RECQL5: variants seen among roughly 807,000 people sequenced by gnomAD.
RECQL5 encodes ATP-dependent DNA helicase Q5.
RECQL5 carries 88 observed loss-of-function variants against 103.4 expected under a neutral mutation model. The ratio of observed to expected loss-of-function variants is 0.85; its 90% CI spans 0.72 to 1.02. The LOEUF is 1.02. Among genes scored for constraint, RECQL5 ranks in the 50% least tolerant of loss-of-function variants. The probability of loss-of-function intolerance (pLI) is 0.00; values close to 1 mark genes in which losing one functional copy is unlikely to be tolerated. For synonymous variants in RECQL5, 552 were observed against 507.9 expected (o/e 1.09, Z -1.17); for missense variants, 1,232 against 1,284.3 (o/e 0.96, Z 0.62).
intron 7 of RECQL5, among the ~76,000 whole-genome samples, chr17:75,652,014 G>T (rs559070244): frequency 6.6e-6 from 1 of 152,090 alleles, no homozygotes; most frequent in African/African-American, 2.4e-5. Flanking sequence ...ATCACCTGGG[G>T]TCAAGAGTTC....
intron 5 of RECQL5, among the ~76,000 whole-genome samples, chr17:75,661,370 T>G (rs2059696978): frequency 6.6e-6 from 1 of 152,174 alleles, no homozygotes; most frequent in Non-Finnish European, 1.5e-5. Flanking sequence ...TGTAAAAACG[T>G]ATCACCTGCT....
At chr17:75,653,697 G>A (rs1242630472) in intron 7 of RECQL5, among the ~76,000 whole-genome samples, 2 of 152,106 alleles carry the variant, frequency 1.3e-5, no homozygotes, top group Non-Finnish European at 2.9e-5. Flanking sequence ...TCAGGAGTTC[G>A]AGACCAGCCT....
chr17:75,629,580 T>G (rs1444499880), intron 15 of RECQL5, 105 bp from the exon 16 acceptor site: 2 of 1,499,816 alleles, frequency 1.3e-6, no homozygotes, highest in Non-Finnish European at 8.9e-7. Flanking sequence ...CTCAGGAGTG[T>G]GGGAGGGAAG....
intron 8 of RECQL5, among the ~76,000 whole-genome samples, chr17:75,644,121 T>C (rs1195642534): frequency 6.6e-6 from 1 of 152,014 alleles, no homozygotes; most frequent in Non-Finnish European, 1.5e-5. Context: ...CTGACCAACA[T>C]GGTGAAACCT....
Position 75,660,859 on chromosome 17 carries a change from A to G in RECQL5, c.986+96T>C, listed in dbSNP as rs2059689699. The G allele has an allele frequency of 5.6e-6, 5 of 895,186 alleles. No individual in the cohort carries two copies. In the East Asian group the frequency reaches 1.2e-4, roughly 22 times the overall value. 55.5% of individuals were successfully genotyped at this position (895,186 alleles called of 1,614,324 possible). A position where few individuals can be genotyped will look rare whatever the true frequency, so the allele number is the denominator to read the frequency against. ...GAGCTTCCTTCCCCTCTAGCCCTCG[A>G]AGGAGCACATGCACCTGGTCCTTTG... On this transcript the variant is annotated intron_variant, in intron 6 of 19. Coordinates refer to ENST00000317905, the MANE Select transcript of RECQL5 (RefSeq NM_004259.7).
chr17:75,633,144 G>A (rs968599147), intron 8 of RECQL5, among the ~76,000 whole-genome samples: 2 of 152,216 alleles, frequency 1.3e-5, no homozygotes, highest in African/African-American at 4.8e-5. Flanking sequence ...GCAACAAATG[G>A]TTCATCCCCA....
chr17:75,659,393 T>C (rs2148335951), intron 6 of RECQL5, among the ~76,000 whole-genome samples: 2 of 152,330 alleles, frequency 1.3e-5, no homozygotes, highest in South Asian at 4.1e-4. Context: ...GGTCTTGCTC[T>C]GTTGCACACG....
At chr17:75,643,385 G>A (rs767210209) in intron 8 of RECQL5, among the ~76,000 whole-genome samples, 17 of 152,220 alleles carry the variant, frequency 1.1e-4, no homozygotes, top group African/African-American at 2.2e-4. Flanking sequence ...CCGAATGGCC[G>A]CTCTAGGGCA....
intron 8 of RECQL5, chr17:75,637,998 G>A (rs951031156): frequency 4.6e-5 from 7 of 152,270 alleles, no homozygotes; most frequent in African/African-American, 1.7e-4. Flanking sequence ...ATGATCTATA[G>A]CATTCTAGGA....
chr17:75,630,862 G>A, intron 11 of RECQL5, 25 bp from the exon 12 acceptor site: 2 of 1,476,572 alleles, frequency 1.4e-6, no homozygotes, highest in East Asian at 2.4e-5. Flanking sequence ...GGTGGTCCTT[G>A]GTCCTTTCGC....
intron 8 of RECQL5, chr17:75,639,045 C>A (rs1338394122): frequency 6.6e-6 from 1 of 152,334 alleles, no homozygotes; most frequent in Non-Finnish European, 1.5e-5. Context: ...CATGCAAAGA[C>A]CACATGGCCT....
At chr17:75,629,669 C>T in intron 15 of RECQL5, 39 bp downstream of exon 15, 1 of 1,570,564 alleles carries the variant, frequency 6.4e-7, no homozygotes, top group Non-Finnish European at 8.7e-7. Context: ...TGAAGCCTTT[C>T]CTGGTCACAG....
In RECQL5 at chr17:75,660,993, G is replaced by A. The variant is rs2059691161; in HGVS notation, c.948C>T (p.Thr316=). Residue 316 remains threonine, a synonymous_variant, in exon 6 of 20, where the codon ACC becomes ACT. Transcript: ENST00000317905. ...TATCCACTCCCATCCCAAAACTAAT[G>A]GTTGCAACAATTACAGGGACCTTCT... is the stretch of plus-strand genomic sequence containing the variant. The part of the protein sequence containing the change: ...MEEKVPVIVA[T]ISFGMGVDKA... 1 of 1,613,950 alleles carries A rather than the reference G, an allele frequency of 6.2e-7. No individual in the cohort carries two copies. The highest frequency in any genetic ancestry group is 1.3e-5 in the African/African-American group (1 of 74,908).
At chr17:75,651,058 C>T (rs1661744) in intron 8 of RECQL5, 128 bp downstream of exon 8, 566,755 of 1,579,280 alleles carry the variant, frequency 0.36, 103,612 homozygotes, top group East Asian at 0.57. Flanking sequence ...CCCGACACAA[C>T]AGCCTTTGCA....
intron 18 of RECQL5, among the ~76,000 whole-genome samples, 162 bp downstream of exon 18, chr17:75,628,055 AC>A (rs2148212532): frequency 6.7e-6 from 1 of 149,556 alleles, no homozygotes; most frequent in South Asian, 2.1e-4. Context: ...CCCCAGAGCA[AC>A]CCACGGCCAT....
At chr17:75,666,899 A>C in intron 1 of RECQL5, 145 bp downstream of exon 1, 1 of 273,324 alleles carries the variant, frequency 3.7e-6, no homozygotes, top group South Asian at 4.4e-5. Flanking sequence ...AAGATCCACC[A>C]CCTGCTCCTA....
intron 2 of RECQL5, among the ~76,000 whole-genome samples, chr17:75,665,668 C>T (rs1472849861): frequency 5.9e-5 from 8 of 135,522 alleles, no homozygotes; most frequent in African/African-American, 2.0e-4. Context: ...CCAGTGTGGG[C>T]GACAGAGCAA....
Position 75,630,206 on chromosome 17 carries a change from T to C in RECQL5, c.1790A>G (p.Tyr597Cys). 6.4e-7 allele frequency: 1 copy of C among 1,556,172 alleles called. No individual in the cohort carries two copies. Among genetic ancestry groups the C allele is most frequent in the Non-Finnish European group, 8.7e-7 (1 of 1,149,100 alleles). Residue 597 changes from tyrosine to cysteine, a missense_variant, in exon 14 of 20, where the codon TAC becomes TGC. Coordinates refer to ENST00000317905, the MANE Select transcript of RECQL5 (RefSeq NM_004259.7). Reference sequence around the variant, plus strand: ...CACCTTCTTCAGCACGCTGGCCTTGTAGAGGTTGGCCACCTTGGCGTTCCG... The same window carrying C: ...CACCTTCTTCAGCACGCTGGCCTTGCAGAGGTTGGCCACCTTGGCGTTCCG... ...TFRNAKVANLYKASVLKKVAD... is the reference protein window; with the variant it reads ...TFRNAKVANLCKASVLKKVAD...
chr17:75,658,492 A>G (rs2059656666), intron 6 of RECQL5, 32 bp from the exon 7 acceptor site: 1 of 1,605,982 alleles, frequency 6.2e-7, no homozygotes, highest in Admixed American at 1.7e-5. Flanking sequence ...GCAGCATGAG[A>G]TGGTGGAGAA....
Sources: gnomAD v4.1 joint callset for allele counts (sites outside exome capture counted in the v4.1 genomes callset) on GRCh38, gnomAD v4.1.1 for gene constraint, MANE v1.5 for transcripts, NCBI Gene and HGNC (gene_info 2026-07-23, HGNC 2026-07-21) for gene names.